Variants in KCNMB3 observed in about 807,000 individuals in gnomAD.
The protein encoded by KCNMB3 is potassium calcium-activated channel subfamily M regulatory beta subunit 3.
KCNMB3 carries 18 observed loss-of-function variants against 11.9 expected under a neutral mutation model. That is an observed-to-expected ratio of 1.51 (90% CI 1.04 to 2.23). KCNMB3 has a LOEUF of 2.23. Among genes scored for constraint, KCNMB3 ranks in the 30% most tolerant of loss-of-function variants. The pLI, the probability that KCNMB3 is intolerant of heterozygous loss-of-function variation, is 0.00. For synonymous variants in KCNMB3, 78 were observed against 119.2 expected (o/e 0.65, Z 2.25); for missense variants, 247 against 329.4 (o/e 0.75, Z 1.94).
chr3:179,260,789 T>C (rs1726180860), intron 1 of KCNMB3: 4 of 1,417,134 alleles, frequency 2.8e-6, no homozygotes, highest in Non-Finnish European at 1.0e-6. Flanking sequence ...TTCAAATTAT[T>C]TGTTTTTCTC....
intron 1 of KCNMB3, among the ~76,000 whole-genome samples, chr3:179,266,104 C>T (rs1190644921): frequency 5.3e-5 from 8 of 152,174 alleles, no homozygotes; most frequent in Non-Finnish European, 2.9e-5. Context: ...ATCTGCATTT[C>T]ACAGATAAGG....
intron 1 of KCNMB3, among the ~76,000 whole-genome samples, chr3:179,248,401 C>T (rs968814824): frequency 1.3e-5 from 2 of 152,104 alleles, no homozygotes; most frequent in Non-Finnish European, 2.9e-5. Context: ...AACCTGCAGT[C>T]GAAAATTTGC....
chr3:179,244,729 T>A (rs4080957), intron 1 of KCNMB3, 36 bp from the exon 2 acceptor site: 5 of 1,566,252 alleles, frequency 3.2e-6, no homozygotes, highest in Non-Finnish European at 3.5e-6. Context: ...TCTTCACTTA[T>A]TAGAAAATTT....
chr3:179,266,622 C>T (rs373279458), intron 1 of KCNMB3: 639 of 1,613,500 alleles, frequency 4.0e-4, no homozygotes, highest in Non-Finnish European at 4.9e-4. Flanking sequence ...ATTCCCACTA[C>T]CGGCAGAGCT....
Position 179,251,051 on chromosome 3 carries a change from AG to A in KCNMB3, c.-62del, listed in dbSNP as rs1725826332. ...TGCTGCCTACCTGTGTCTCGTGAGCAGGATGAATGCAACAAAATGAAATCCC... is the reference window on the plus strand; with the variant it reads ...TGCTGCCTACCTGTGTCTCGTGAGCAGATGAATGCAACAAAATGAAATCCC... On this transcript the variant is annotated 5_prime_UTR_variant, in exon 1 of 3. An upstream open reading frame in the 5' UTR loses its in-frame stop. Transcript: ENST00000392685. The A allele has an allele frequency of 1.9e-6, 3 of 1,614,126 alleles. No homozygotes were observed. The highest frequency in any genetic ancestry group is 3.3e-4 in the Middle Eastern group (2 of 6,084).
At chr3:179,252,920 C>T (rs529782118), upstream of KCNMB3, among the ~76,000 whole-genome samples, 21 of 151,958 alleles carry the variant, frequency 1.4e-4, no homozygotes, top group East Asian at 1.2e-3. Context: ...TTAGTAGAGA[C>T]GGGGTTTCAC....
intron 1 of KCNMB3, 54 bp downstream of exon 1, chr3:179,250,689 T>G: frequency 6.4e-7 from 1 of 1,568,156 alleles, no homozygotes; most frequent in South Asian, 1.1e-5. Context: ...TTTACCGCTG[T>G]GCCTGGATCT....
intron 1 of KCNMB3, among the ~76,000 whole-genome samples, chr3:179,264,892 A>G (rs975839167): frequency 3.9e-5 from 6 of 152,160 alleles, no homozygotes; most frequent in Admixed American, 6.5e-5. Context: ...TTACTCTTCT[A>G]TTTTTTAATT....
chr3:179,253,989 A>T (rs979736315), upstream of KCNMB3, among the ~76,000 whole-genome samples: 4 of 152,216 alleles, frequency 2.6e-5, no homozygotes, highest in African/African-American at 7.2e-5. Context: ...CTCAAAAGAC[A>T]AAAACTATGT....
At chr3:179,252,876 C>T (rs1456404657), upstream of KCNMB3, among the ~76,000 whole-genome samples, 1 of 151,686 alleles carries the variant, frequency 6.6e-6, no homozygotes, top group African/African-American at 2.4e-5. Context: ...GGACTACAGG[C>T]GCCCACCACC....
At chr3:179,252,537 T>C (rs1416753399), upstream of KCNMB3, among the ~76,000 whole-genome samples, 1 of 151,912 alleles carries the variant, frequency 6.6e-6, no homozygotes, top group Non-Finnish European at 1.5e-5. Context: ...TGTCAGACAA[T>C]CCAGAATGTT....
chr3:179,248,213 C>A (rs1213577547), intron 1 of KCNMB3, among the ~76,000 whole-genome samples: 1 of 152,148 alleles, frequency 6.6e-6, no homozygotes, highest in Non-Finnish European at 1.5e-5. Flanking sequence ...CCTTTCTGAG[C>A]CTCAGCTTTC....
At chr3:179,250,494 T>G (rs1306584586) in intron 1 of KCNMB3, among the ~76,000 whole-genome samples, 1 of 152,220 alleles carries the variant, frequency 6.6e-6, no homozygotes, top group Non-Finnish European at 1.5e-5. Flanking sequence ...ATTACGTGTT[T>G]GGAGGTATAT....
chr3:179,259,137 T>C (rs1213991584), intron 1 of KCNMB3: 9 of 1,577,432 alleles, frequency 5.7e-6, no homozygotes, highest in African/African-American at 1.4e-5. Context: ...GTCATGGTTT[T>C]TTAGGCTATT....
chr3:179,261,359 C>T (rs1339122425), intron 1 of KCNMB3: 11 of 1,146,830 alleles, frequency 9.6e-6, no homozygotes, highest in Non-Finnish European at 1.1e-5. Context: ...CCAGGGGGCG[C>T]GCGCTCTGTC....
rs145735613 is a variant in KCNMB3 at position 179,247,277 on chromosome 3, C to T, written c.249-2584G>A. Among the ~76,000 whole-genome samples the T allele has an allele frequency of 7.0e-4, 106 of 152,110 alleles. 1 individual carries two copies. The East Asian group carries it at 0.018, about 26-fold the overall frequency. ...AAAATGATCTGCCTGTGCACACACA[C>T]GGACATTTACTCAACATTCCCATAC... On this transcript the variant is annotated intron_variant, in intron 1 of 2. Coordinates refer to ENST00000392685, the MANE Select transcript of KCNMB3 (RefSeq NM_171830.2).
At chr3:179,247,651 G>A (rs558636220) in intron 1 of KCNMB3, among the ~76,000 whole-genome samples, 5 of 152,146 alleles carry the variant, frequency 3.3e-5, no homozygotes, top group South Asian at 2.1e-4. Context: ...GACTCCTGGC[G>A]TCCATTAAAT....
chr3:179,259,915 C>A, intron 1 of KCNMB3: 3 of 1,613,528 alleles, frequency 1.9e-6, no homozygotes, highest in Non-Finnish European at 2.5e-6. Flanking sequence ...GGTTTCTCAT[C>A]CCTTAATCCT....
At chr3:179,265,929 C>T (rs774168157) in intron 1 of KCNMB3, among the ~76,000 whole-genome samples, 44 of 152,168 alleles carry the variant, frequency 2.9e-4, no homozygotes, top group Non-Finnish European at 5.0e-4. Flanking sequence ...GAAAACGGGT[C>T]CTGAAAATAA....
Sources: gnomAD v4.1 joint callset for allele counts (sites outside exome capture counted in the v4.1 genomes callset) on GRCh38, gnomAD v4.1.1 for gene constraint, MANE v1.5 for transcripts, NCBI Gene and HGNC (gene_info 2026-07-23, HGNC 2026-07-21) for gene names.